Variants in SFMBT2 observed in about 807,000 individuals in gnomAD.
SFMBT2 encodes Scm like with four mbt domains 2.
A neutral mutation model predicts 110.1 loss-of-function variants in SFMBT2; 38 were observed. The ratio of observed to expected loss-of-function variants is 0.35; its 90% confidence interval spans 0.27 to 0.45. The LOEUF (loss-of-function observed/expected upper bound fraction) is 0.45, where lower values mean the gene tolerates loss of function less well. Ranked by LOEUF, SFMBT2 falls within the 20% of genes least tolerant of loss-of-function variation. SFMBT2 has a pLI of 1.00. For missense variants in SFMBT2, 1,011 were observed against 1,094.9 expected (o/e 0.92, Z 1.08); for synonymous variants, 425 against 425.4 (o/e 1.00, Z 0.01).
At chr10:7,248,712 C>CA in intron 7 of SFMBT2, 63 bp from the exon 8 acceptor site, 2 of 1,447,828 alleles carry the variant, frequency 1.4e-6, no homozygotes, top group Non-Finnish European at 1.9e-6. Context: ...AGCCACTGTC[C>CA]GGATGCGCTC....
chr10:7,375,648 T>C (rs1845180202), intron 2 of SFMBT2, among the ~76,000 whole-genome samples: 1 of 151,946 alleles, frequency 6.6e-6, no homozygotes, highest in African/African-American at 2.4e-5. Context: ...AGCTCACAAC[T>C]GCAGAGCCAC....
At chr10:7,240,345 C>T (rs771512569) in intron 9 of SFMBT2, among the ~76,000 whole-genome samples, 1 of 152,184 alleles carries the variant, frequency 6.6e-6, no homozygotes, top group African/African-American at 2.4e-5. Flanking sequence ...ATAGAGACGT[C>T]CCTCATTCTT....
rs1039086469 is a variant in SFMBT2, at chr10:7,389,631, A to C, written c.-51-7682T>G. The stretch of plus-strand genomic sequence containing the variant: ...GAACTTCTTACAAGAGTTGTCTTGG[A>C]CCAGTGAAAAGAACAGAGAGCTTGC... On this transcript the variant is annotated intron_variant, in intron 1 of 20. Coordinates refer to ENST00000397167, the MANE Select transcript of SFMBT2 (RefSeq NM_001387889.1). 2.0e-5 allele frequency among the ~76,000 whole-genome samples: 3 copies of C among 152,328 alleles called. No individual in the cohort carries two copies. In the East Asian group the frequency reaches 5.8e-4, roughly 29 times the overall value.
intron 4 of SFMBT2, among the ~76,000 whole-genome samples, chr10:7,343,631 T>C (rs1443312620): frequency 6.6e-6 from 1 of 152,266 alleles, no homozygotes; most frequent in Admixed American, 6.5e-5. Flanking sequence ...TGCATTTCCC[T>C]AATAATTAAT....
chr10:7,315,110 A>G (rs1056264529), intron 4 of SFMBT2, among the ~76,000 whole-genome samples: 92 of 131,090 alleles, frequency 7.0e-4, no homozygotes, highest in Non-Finnish European at 1.4e-3. Flanking sequence ...GAAAGAAAGA[A>G]AAAGCAAGCA....
rs377390519 is a variant in SFMBT2, at chr10:7,391,867, G to A, written c.-51-9918C>T. On this transcript the variant is annotated intron_variant, in intron 1 of 20. Transcript: ENST00000397167. ...GCATTACACAGAAGGAATTTCTCGC[G>A]TCATTAAGATTCTCTGAAAACATGA... Among the ~76,000 whole-genome samples the A allele has an allele frequency of 2.4e-4, 36 of 152,142 alleles. No individual in the cohort carries two copies. The East Asian group carries it at 3.7e-3, about 16-fold the overall frequency.
Position 7,162,840 on chromosome 10 carries a change from CA to C in SFMBT2, c.*929del, listed in dbSNP as rs1837583703. ...AGTTGGGCCGGGGCGTAGTGGCTCACACCTGTAATCCCAGCACGTTGGGAGG... is the reference window on the plus strand; with the variant it reads ...AGTTGGGCCGGGGCGTAGTGGCTCACCCTGTAATCCCAGCACGTTGGGAGG... On this transcript the variant is annotated 3_prime_UTR_variant, in exon 21 of 21. Coordinates refer to ENST00000397167, the MANE Select transcript of SFMBT2 (RefSeq NM_001387889.1). The C allele has an allele frequency of 6.6e-6, 1 of 152,506 alleles. No individual in the cohort carries two copies. The highest frequency in any genetic ancestry group is 1.5e-5 in the Non-Finnish European group (1 of 68,302). 9.4% of individuals were successfully genotyped at this position (152,506 alleles called of 1,614,324 possible).
intron 12 of SFMBT2, chr10:7,205,503 T>C (rs1301900143): frequency 1.2e-5 from 12 of 978,908 alleles, no homozygotes; most frequent in Non-Finnish European, 1.4e-5. Flanking sequence ...CACAATAATA[T>C]AGTATCTAAC....
chr10:7,206,790 A>T, intron 11 of SFMBT2: 1 of 897,588 alleles, frequency 1.1e-6, no homozygotes. Flanking sequence ...AAAGAAGAAA[A>T]TTCGACACCA....
rs1368097871 is a variant in SFMBT2 at position 7,202,653 on chromosome 10, T to C, written c.1445-131A>G. 4 of 1,539,430 alleles carry C rather than the reference T, an allele frequency of 2.6e-6. No homozygotes were observed. In the African/African-American group the frequency reaches 4.1e-5, roughly 16 times the overall value. ...ATTTAAATGCTGAAAAGTTACGTCA[T>C]TCATGCCACAATTTCCTATCAGTTT... On this transcript the variant is annotated intron_variant, in intron 12 of 20. Transcript: ENST00000397167.
At position 7,380,654 on chromosome 10, in the gene SFMBT2, CT is replaced by C. The variant is rs35865288; in HGVS notation, c.100+1144del. Among the ~76,000 whole-genome samples, 716 of 150,148 alleles carry C rather than the reference CT, an allele frequency of 4.8e-3. 8 individuals are homozygous for C. Among genetic ancestry groups the C allele is most frequent in the Non-Finnish European group, 5.2e-3 (353 of 67,448 alleles). ...GCTGGTATGTATAAACAATGCAACC[CT>C]TTTTTTTTTAAAGGTATCCTTTCTA... On this transcript the variant is annotated intron_variant, in intron 2 of 20. Transcript: ENST00000397167.
chr10:7,294,228 A>G (rs930341951), intron 4 of SFMBT2, among the ~76,000 whole-genome samples: 1 of 152,236 alleles, frequency 6.6e-6, no homozygotes, highest in Non-Finnish European at 1.5e-5. Flanking sequence ...GGATCCTTCC[A>G]ATAAAAAGCA....
chr10:7,213,825 T>C (rs916716002), intron 11 of SFMBT2, among the ~76,000 whole-genome samples: 1 of 151,788 alleles, frequency 6.6e-6, no homozygotes, highest in African/African-American at 2.4e-5. Context: ...TGTGATGCCA[T>C]GGGCATGGGC....
At chr10:7,188,862 A>C (rs2762607) in intron 15 of SFMBT2, 129 bp from the exon 16 acceptor site, 274,708 of 705,974 alleles carry the variant, frequency 0.39, 56,516 homozygotes, top group Middle Eastern at 0.47. Context: ...AAGTGAAGAA[A>C]CGTGATTAAG....
In SFMBT2 at chr10:7,284,017, T is replaced by A; in HGVS notation, c.659A>T (p.Tyr220Phe). The change falls in exon 6 of 21, where the codon TAT becomes TTT. Residue 220 changes from tyrosine to phenylalanine, a missense_variant. Physicochemically the swap from Tyr to Phe is conservative, Grantham distance 22. Around this residue, in one of 2 missense-constraint regions of SFMBT2, gnomAD observed 979 missense variants for 1,016.1 expected, o/e 0.96. Transcript: ENST00000397167. ...ENVGGRLRLR[Y>F]VGLEDTESYD... ...GGATTCAGTGTCCTCCAATCCCACA[T>A]AGCGAAGGCGTAATCTTCCTCCAAC... is the stretch of plus-strand genomic sequence containing the variant. The A allele has an allele frequency of 1.2e-6, 2 of 1,614,040 alleles. No homozygotes were observed. Among genetic ancestry groups the A allele is most frequent in the Non-Finnish European group, 1.7e-6 (2 of 1,179,886 alleles).
chr10:7,307,827 T>C (rs895131512), intron 4 of SFMBT2, among the ~76,000 whole-genome samples: 3 of 152,150 alleles, frequency 2.0e-5, no homozygotes, highest in Non-Finnish European at 4.4e-5. Flanking sequence ...ATCAGCTTAG[T>C]AAAATTAAGA....
chr10:7,411,194 C>T (rs577214468), upstream of SFMBT2, among the ~76,000 whole-genome samples: 32 of 150,810 alleles, frequency 2.1e-4, no homozygotes, highest in African/African-American at 6.6e-4. Flanking sequence ...AATTAGCCTG[C>T]GGGACGTGAT....
In SFMBT2 at chr10:7,180,236, T is replaced by C. The variant is rs192999193; in HGVS notation, c.1809-4071A>G. Among the ~76,000 whole-genome samples the C allele has an allele frequency of 6.0e-3, 908 of 152,084 alleles. 7 individuals are homozygous for C. Among genetic ancestry groups the C allele is most frequent in the African/African-American group, 0.021 (872 of 41,456 alleles). On this transcript the variant is annotated intron_variant, in intron 16 of 20. Transcript: ENST00000397167. ...GCATCCTGGGTTCTAGCGATTCTCA[T>C]GCCTCAGCCTCCTGAGTCACTGGGA... is the stretch of plus-strand genomic sequence containing the variant.
At chr10:7,173,361 T>G (rs1837948925) in intron 17 of SFMBT2, among the ~76,000 whole-genome samples, 1 of 152,196 alleles carries the variant, frequency 6.6e-6, no homozygotes, top group Non-Finnish European at 1.5e-5. Context: ...CAGCAAGCAC[T>G]GGGTGAACAT....
Sources: allele counts gnomAD v4.1 joint callset (sites outside exome capture counted in the v4.1 genomes callset), GRCh38; gene constraint gnomAD v4.1.1; regional missense constraint gnomAD v4.1.1; transcripts MANE v1.5; gene names NCBI Gene and HGNC (gene_info 2026-07-23, HGNC 2026-07-21).